Variants in TANGO6 observed in about 807,000 individuals in gnomAD.
TANGO6 encodes the protein transport and golgi organization 6 homolog.
TANGO6 carries 90 observed loss-of-function variants against 114.2 expected under a neutral mutation model. That is an observed-to-expected ratio of 0.79 (90% CI 0.66 to 0.94). TANGO6 has a LOEUF of 0.94. Among genes scored for constraint, TANGO6 ranks in the 40% least tolerant of loss-of-function variants. The pLI is 0.00. For synonymous variants in TANGO6, 477 were observed against 509.8 expected (o/e 0.94, Z 0.87); for missense variants, 1,274 against 1,315.3 (o/e 0.97, Z 0.49).
intron 17 of TANGO6, among the ~76,000 whole-genome samples, chr16:69,041,452 A>G (rs1440473985): frequency 6.6e-6 from 1 of 151,836 alleles, no homozygotes; most frequent in Non-Finnish European, 1.5e-5. Context: ...GTCTCAAAAA[A>G]AAAAAAAAAG....
intron 16 of TANGO6, among the ~76,000 whole-genome samples, chr16:69,025,431 T>C (rs1410885746): frequency 2.0e-5 from 3 of 152,178 alleles, no homozygotes; most frequent in Non-Finnish European, 4.4e-5. Flanking sequence ...GGGGTCTTCA[T>C]AGGCACAAGT....
chr16:68,900,560 G>T lies in TANGO6; in HGVS notation c.1490+14G>T. The T allele has an allele frequency of 6.4e-7, 1 of 1,574,176 alleles. No homozygotes were observed. Among genetic ancestry groups the T allele is most frequent in the South Asian group, 1.1e-5 (1 of 87,072 alleles). On this transcript the variant is annotated intron_variant, in intron 8 of 17. Coordinates refer to ENST00000261778, the MANE Select transcript of TANGO6 (RefSeq NM_024562.2). ...GTCTCACATAAGGTAAACAATCAAG[G>T]GACCCTTATTTGTTTATAAATTGTG...
chr16:68,998,828 C>T (rs574695641), intron 15 of TANGO6, among the ~76,000 whole-genome samples: 6 of 151,864 alleles, frequency 4.0e-5, no homozygotes, highest in Admixed American at 1.3e-4. Context: ...TAATTATTTG[C>T]CATAGAAACT....
At chr16:69,023,177 C>T (rs936871484) in intron 16 of TANGO6, among the ~76,000 whole-genome samples, 198 bp downstream of exon 16, 1 of 152,048 alleles carries the variant, frequency 6.6e-6, no homozygotes, top group Non-Finnish European at 1.5e-5. Context: ...TAGTAAGGGC[C>T]GGGCATGGTG....
intron 17 of TANGO6, among the ~76,000 whole-genome samples, chr16:69,061,794 C>T (rs1184960271): frequency 2.0e-5 from 3 of 151,890 alleles, no homozygotes; most frequent in Non-Finnish European, 4.4e-5. Context: ...CCGAGGCGGG[C>T]GGATCACAAG....
At chr16:68,952,044 T>C (rs1963476707) in intron 14 of TANGO6, among the ~76,000 whole-genome samples, 1 of 152,188 alleles carries the variant, frequency 6.6e-6, no homozygotes, top group South Asian at 2.1e-4. Flanking sequence ...CCTATTCATA[T>C]AGACTAGCTG....
At chr16:69,012,580 G>GAAAAAAAAAAAA (rs745623750) in intron 15 of TANGO6, among the ~76,000 whole-genome samples, 1 of 108,542 alleles carries the variant, frequency 9.2e-6, no homozygotes, top group Non-Finnish European at 1.9e-5. Context: ...AAAAAAAAAG[G>GAAAAAAAAAAAA]AAAAAAAAAA....
At chr16:68,844,682 CTAAG>C (rs1462247259) in intron 1 of TANGO6, among the ~76,000 whole-genome samples, 4 of 152,146 alleles carry the variant, frequency 2.6e-5, no homozygotes, top group Admixed American at 6.5e-5. Context: ...TGAGTGCCTA[CTAAG>C]TATCAGTCCC....
chr16:69,006,726 G>A (rs1964094930), intron 15 of TANGO6, among the ~76,000 whole-genome samples: 1 of 152,152 alleles, frequency 6.6e-6, no homozygotes, highest in African/African-American at 2.4e-5. Flanking sequence ...ACTCCAGCCT[G>A]GGTAACAGAG....
chr16:68,909,144 T>C (rs1962889724), intron 10 of TANGO6, 67 bp from the exon 11 acceptor site: 2 of 1,249,142 alleles, frequency 1.6e-6, no homozygotes. Context: ...AGTTTTCTGC[T>C]TATGTTTGAG....
chr16:68,991,420 AG>A (rs1298806135), intron 15 of TANGO6, among the ~76,000 whole-genome samples: 1 of 152,104 alleles, frequency 6.6e-6, no homozygotes, highest in African/African-American at 2.4e-5. Flanking sequence ...GTTCAAGACC[AG>A]CCTGGCCAAC....
intron 17 of TANGO6, among the ~76,000 whole-genome samples, chr16:69,079,564 G>C (rs1960436275): frequency 6.7e-6 from 1 of 148,894 alleles, no homozygotes; most frequent in Non-Finnish European, 1.5e-5. Flanking sequence ...TCATATGACA[G>C]ATAATGGACT....
chr16:68,950,294 G>C (rs1963458765), intron 14 of TANGO6, among the ~76,000 whole-genome samples: 2 of 152,154 alleles, frequency 1.3e-5, no homozygotes, highest in Admixed American at 6.6e-5. Flanking sequence ...GGCCACACGT[G>C]GTGGCTCATG....
chr16:68,980,181 A>G (rs544896686), intron 15 of TANGO6, among the ~76,000 whole-genome samples: 1 of 151,660 alleles, frequency 6.6e-6, no homozygotes, highest in Non-Finnish European at 1.5e-5. Flanking sequence ...TATGTATTTA[A>G]AGATCTTGAA....
intron 7 of TANGO6, among the ~76,000 whole-genome samples, chr16:68,886,636 G>C (rs1220501979): frequency 6.6e-6 from 1 of 151,924 alleles, no homozygotes. Context: ...AGCCTCCCCG[G>C]TAGCTGGGAT....
chr16:68,972,708 C>A (rs1017211102), intron 14 of TANGO6, among the ~76,000 whole-genome samples: 9 of 152,106 alleles, frequency 5.9e-5, no homozygotes, highest in African/African-American at 2.2e-4. Context: ...AGGAGGAGAG[C>A]AGACAATAAG....
chr16:68,919,472 T>G (rs1963058766), intron 12 of TANGO6, among the ~76,000 whole-genome samples: 1 of 152,176 alleles, frequency 6.6e-6, no homozygotes, highest in East Asian at 1.9e-4. Flanking sequence ...CAATCTTAAT[T>G]TGGGAACATC....
intron 14 of TANGO6, among the ~76,000 whole-genome samples, chr16:68,931,940 C>T (rs1160111108): frequency 2.0e-5 from 3 of 152,158 alleles, no homozygotes; most frequent in Admixed American, 1.3e-4. Context: ...CTGCAACTTC[C>T]GCCTCCCGGG....
At chr16:68,882,211 T>C (rs1433159790) in intron 7 of TANGO6, among the ~76,000 whole-genome samples, 1 of 151,970 alleles carries the variant, frequency 6.6e-6, no homozygotes, top group Admixed American at 6.6e-5. Context: ...AACTTGTTCA[T>C]ATAGGCCGGG....
Sources: allele counts gnomAD v4.1 joint callset (sites outside exome capture counted in the v4.1 genomes callset), GRCh38; gene constraint gnomAD v4.1.1; transcripts MANE v1.5; gene names NCBI Gene and HGNC (gene_info 2026-07-23, HGNC 2026-07-21).